Variants in SH3BP4 observed in about 807,000 individuals in gnomAD.
SH3BP4 encodes SH3 domain binding protein 4, also known as SH3 domain-binding protein 4.
Under a neutral mutation model 65.5 loss-of-function variants are expected in SH3BP4, and 33 were observed. That is an observed-to-expected ratio of 0.50 (90% CI 0.38 to 0.67). SH3BP4 has a LOEUF of 0.67. Ranked by LOEUF, SH3BP4 falls within the 30% of genes least tolerant of loss-of-function variation. The pLI is 0.00. For synonymous variants in SH3BP4, 552 were observed against 545.5 expected, an observed-to-expected ratio of 1.01 and a Z score of -0.17; for missense variants, 1,134 against 1,261.4, an observed-to-expected ratio of 0.90 and a Z score of 1.53.
At chr2:234,992,739 A>T (rs989912804) in intron 1 of SH3BP4, among the ~76,000 whole-genome samples, 1 of 143,248 alleles carries the variant, frequency 7.0e-6, no homozygotes, top group African/African-American at 2.5e-5. Context: ...CTGGAGATGG[A>T]TGCATTCCTG....
Position 235,034,475 on chromosome 2 carries a change from CAGAGGCCG to C in SH3BP4, c.-132-394_-132-387del, listed in dbSNP as rs1347556145. On this transcript the variant is annotated intron_variant, in intron 2 of 5. Transcript: ENST00000392011. This position sits in a 1 kb window ranked among gnomAD's most constrained non-coding sequence, Gnocchi z 6.2. ...GCTGGGATCAGCCACTCTGAACAAGCAGAGGCCGATTTTTCCTTTTCCGAGCCCTGCAG... is the reference window on the plus strand; with the variant it reads ...GCTGGGATCAGCCACTCTGAACAAGCATTTTTCCTTTTCCGAGCCCTGCAG... 6.6e-6 allele frequency among the ~76,000 whole-genome samples: 1 copy of C among 152,140 alleles called. No homozygotes were observed. Among genetic ancestry groups the C allele is most frequent in the Non-Finnish European group, 1.5e-5 (1 of 68,028 alleles).
At chr2:235,023,090 T>C (rs759036182) in intron 2 of SH3BP4, among the ~76,000 whole-genome samples, 15 of 152,338 alleles carry the variant, frequency 9.8e-5, no homozygotes, top group Middle Eastern at 3.4e-3. Flanking sequence ...TTGGGAATCC[T>C]GGAGTTAGAT....
intron 1 of SH3BP4, among the ~76,000 whole-genome samples, chr2:234,986,182 A>C (rs1344424852): frequency 6.7e-6 from 1 of 150,352 alleles, no homozygotes; most frequent in Non-Finnish European, 1.5e-5. Flanking sequence ...TGCAGGCGTT[A>C]TCTCTCTTAT....
chr2:234,972,672 G>A (rs1693035966), intron 1 of SH3BP4, among the ~76,000 whole-genome samples: 1 of 152,172 alleles, frequency 6.6e-6, no homozygotes, highest in Non-Finnish European at 1.5e-5. Context: ...CCTGCAGTGA[G>A]CTGTGATCAT....
chr2:235,038,177 T>C (rs1393591997), intron 3 of SH3BP4, among the ~76,000 whole-genome samples: 1 of 136,938 alleles, frequency 7.3e-6, no homozygotes, highest in Admixed American at 8.3e-5. Context: ...CACACACACA[T>C]ACACATATTT....
Position 235,042,181 on chromosome 2 carries a change from A to G in SH3BP4, c.1412A>G (p.Asn471Ser), listed in dbSNP as rs73995756. ...LYPSTVWDFI[N>S]KKVTVGLYGP... The stretch of plus-strand genomic sequence containing the variant: ...CCTTCCACCGTGTGGGACTTCATCA[A>G]TAAAAAAGTCACAGTGGGTCTCTAC... Residue 471 changes from asparagine to serine, a missense_variant, in exon 4 of 6, where the codon AAT (asparagine) becomes AGT (serine). By Grantham distance (46) the Asn-to-Ser change is conservative. Coordinates refer to ENST00000392011, the MANE Select transcript of SH3BP4 (RefSeq NM_014521.3). This position sits in a 1 kb window ranked among gnomAD's most constrained non-coding sequence, Gnocchi z 7.3. The G allele has an allele frequency of 6.5e-4, 1,047 of 1,614,092 alleles. 2 individuals carry two copies. In the African/African-American group the frequency reaches 0.011, roughly 17 times the overall value.
chr2:234,970,048 CACACACACTCAT>C (rs1692947246), intron 1 of SH3BP4, among the ~76,000 whole-genome samples: 1 of 135,348 alleles, frequency 7.4e-6, no homozygotes, highest in East Asian at 2.0e-4. Flanking sequence ...TACACTTACT[CACACACACTCAT>C]ACACACACTC....
At chr2:234,996,376 C>G (rs1408156186) in intron 2 of SH3BP4, among the ~76,000 whole-genome samples, 5 of 152,200 alleles carry the variant, frequency 3.3e-5, no homozygotes, top group Admixed American at 3.3e-4. Flanking sequence ...CTCCCCCCAC[C>G]CTTTCTGTCC....
At chr2:235,008,602 G>A (rs1694375942) in intron 2 of SH3BP4, 1 of 152,154 alleles carries the variant, frequency 6.6e-6, no homozygotes, top group Admixed American at 6.5e-5. Context: ...CCTTGGTTCT[G>A]GCAGTGTCCT....
intron 4 of SH3BP4, among the ~76,000 whole-genome samples, chr2:235,051,058 G>A (rs534674404): frequency 6.6e-6 from 1 of 152,312 alleles, no homozygotes; most frequent in African/African-American, 2.4e-5. Context: ...ATTGTTGGAT[G>A]AGAGAAAGCT....
At chr2:234,983,940 ATG>A (rs1693467690) in intron 1 of SH3BP4, among the ~76,000 whole-genome samples, 1 of 152,208 alleles carries the variant, frequency 6.6e-6, no homozygotes, top group South Asian at 2.1e-4. Context: ...TGGAGAGTCA[ATG>A]TGTGTTTTAA....
chr2:235,030,388 C>T lies in SH3BP4; in HGVS notation c.-132-4483C>T, dbSNP rs1192567904. 6.6e-6 allele frequency among the ~76,000 whole-genome samples: 1 copy of T among 152,200 alleles called. No individual in the cohort carries two copies. Among genetic ancestry groups the T allele is most frequent in the Non-Finnish European group, 1.5e-5 (1 of 68,034 alleles). ...TTAGTGATCTCTCCAAGCCCGTTTT[C>T]ATGGAATCTGTAAAGTGCAGCCAAG... is the stretch of plus-strand genomic sequence containing the variant. On this transcript the variant is annotated intron_variant, in intron 2 of 5. Coordinates refer to ENST00000392011, the MANE Select transcript of SH3BP4 (RefSeq NM_014521.3). This position sits in a 1 kb window ranked among gnomAD's most constrained non-coding sequence, Gnocchi z 4.1.
chr2:234,969,688 G>A (rs577306235), intron 1 of SH3BP4, among the ~76,000 whole-genome samples: 1 of 152,282 alleles, frequency 6.6e-6, no homozygotes, highest in African/African-American at 2.4e-5. Flanking sequence ...GTTTTATCCC[G>A]AGCCTGCTCC....
At chr2:234,954,255 C>A (rs1239179998) in intron 1 of SH3BP4, among the ~76,000 whole-genome samples, 1 of 152,048 alleles carries the variant, frequency 6.6e-6, no homozygotes, top group Non-Finnish European at 1.5e-5. Context: ...TTCTGGGTAC[C>A]AAAGGCCCAG....
rs1559258089 is a variant in SH3BP4, at chr2:235,042,813, GGGA to G, written c.2045_2047del (p.Gly682_Ile683delinsVal). The G allele has an allele frequency of 1.2e-6, 2 of 1,614,012 alleles. No homozygotes were observed. The highest frequency in any genetic ancestry group is 2.7e-5 in the African/African-American group (2 of 75,056). ...CCTGCTGGAGTACAAGAAGGGCGAC[GGGA>G]TCGCCCTGCTCAGCGAGGAGCGGGT... On this transcript the variant is annotated inframe_deletion, in exon 4 of 6. Transcript: ENST00000392011. The surrounding 1 kb of genome is among the most constrained non-coding windows in gnomAD (Gnocchi z 7.3).
Position 234,978,799 on chromosome 2 carries a change from C to T in SH3BP4, c.-206-16504C>T, listed in dbSNP as rs1024007579. The T allele has an allele frequency of 1.3e-5, 2 of 152,194 alleles. No homozygotes were observed. Among genetic ancestry groups the T allele is most frequent in the Admixed American group, 1.3e-4 (2 of 15,270 alleles). The allele number at this position is 152,194 out of a possible 1,614,324, so 9.4% of individuals were successfully genotyped here. A position where few individuals can be genotyped will look rare whatever the true frequency, so the allele number is the denominator to read the frequency against. ...AGACCGAGTCGTGCAGCGTCCGTGGCCTGCATTTGAAACTGAAGGGCAAGA... is the reference window on the plus strand; with the variant it reads ...AGACCGAGTCGTGCAGCGTCCGTGGTCTGCATTTGAAACTGAAGGGCAAGA... On this transcript the variant is annotated intron_variant, in intron 1 of 5. Coordinates refer to ENST00000392011, the MANE Select transcript of SH3BP4 (RefSeq NM_014521.3). The surrounding 1 kb of genome is among the most constrained non-coding windows in gnomAD (Gnocchi z 4.1).
chr2:234,998,151 C>G (rs544699235), intron 2 of SH3BP4, among the ~76,000 whole-genome samples: 7 of 152,030 alleles, frequency 4.6e-5, no homozygotes, highest in Non-Finnish European at 1.0e-4. Flanking sequence ...AAAAAAGTCT[C>G]GGAGCCCAGC....
chr2:234,953,601 A>G (rs1374622866), intron 1 of SH3BP4, among the ~76,000 whole-genome samples: 2 of 152,158 alleles, frequency 1.3e-5, no homozygotes, highest in African/African-American at 4.8e-5. Context: ...ATGATTCTCA[A>G]TCTGCTTCTC....
chr2:235,037,464 T>C lies in SH3BP4; in HGVS notation c.118+2344T>C, dbSNP rs1695422234. 2.6e-5 allele frequency among the ~76,000 whole-genome samples: 4 copies of C among 152,342 alleles called. No individual in the cohort carries two copies. In the South Asian group the frequency reaches 8.3e-4, roughly 32 times the overall value. On this transcript the variant is annotated intron_variant, in intron 3 of 5. Transcript: ENST00000392011. Reference sequence around the variant, plus strand: ...CAAGGAGAGTGCTGGGAATTTTAAGTAAAACCATTCTTATTCTTCAGTTGG... The same window carrying C: ...CAAGGAGAGTGCTGGGAATTTTAAGCAAAACCATTCTTATTCTTCAGTTGG...
Sources: gnomAD v4.1 joint callset for allele counts (sites outside exome capture counted in the v4.1 genomes callset) on GRCh38, gnomAD v4.1.1 for gene constraint, Gnocchi (gnomAD v3.1) non-coding constraint, MANE v1.5 for transcripts, NCBI Gene and HGNC (gene_info 2026-07-23, HGNC 2026-07-21) for gene names.